The following NLGN1 variants were observed in gnomAD, a reference collection of about 807,000 sequenced individuals.
The protein encoded by NLGN1 is neuroligin 1, also known as neuroligin-1.
In NLGN1, 12 loss-of-function variants were observed where a neutral mutation model predicts 65.5. The ratio of observed to expected loss-of-function variants is 0.18; its 90% CI spans 0.12 to 0.30. NLGN1 has a LOEUF of 0.30. NLGN1 is among the 10% of genes least tolerant of loss of function. NLGN1 has a pLI of 1.00. For missense variants in NLGN1, 750 were observed against 1,007.1 expected, an observed-to-expected ratio of 0.74 and a Z score of 3.46; for synonymous variants, 350 against 359.5, an observed-to-expected ratio of 0.97 and a Z score of 0.30.
chr3:173,553,085 T>G (rs1293511793), intron 2 of NLGN1, among the ~76,000 whole-genome samples: 1 of 152,150 alleles, frequency 6.6e-6, no homozygotes, highest in East Asian at 1.9e-4. Context: ...GTGCGTTAGA[T>G]CACAAAGCTA....
intron 4 of NLGN1, among the ~76,000 whole-genome samples, chr3:173,852,535 T>C (rs551638415): frequency 3.9e-5 from 6 of 152,234 alleles, no homozygotes; most frequent in African/African-American, 1.4e-4. Flanking sequence ...GAACTAATCT[T>C]GTATTTCAGA....
At chr3:173,704,994 T>C (rs1346466816) in intron 3 of NLGN1, among the ~76,000 whole-genome samples, 1 of 152,192 alleles carries the variant, frequency 6.6e-6, no homozygotes, top group Non-Finnish European at 1.5e-5. Context: ...TTTTCTTTAG[T>C]GGAAAATTAC....
chr3:174,054,001 G>A (rs1735495348), intron 4 of NLGN1, among the ~76,000 whole-genome samples: 1 of 151,848 alleles, frequency 6.6e-6, no homozygotes, highest in Non-Finnish European at 1.5e-5. Context: ...ATCTGAGCAA[G>A]TTCCTAAAAC....
intron 4 of NLGN1, among the ~76,000 whole-genome samples, chr3:174,016,261 A>C (rs1726530640): frequency 6.6e-6 from 1 of 152,172 alleles, no homozygotes; most frequent in Non-Finnish European, 1.5e-5. Context: ...CATCAGAGAA[A>C]CTTTTGGGTT....
intron 4 of NLGN1, among the ~76,000 whole-genome samples, chr3:173,895,269 A>G (rs1736141152): frequency 6.6e-6 from 1 of 152,038 alleles, no homozygotes; most frequent in Non-Finnish European, 1.5e-5. Flanking sequence ...CACATCTGTA[A>G]AGTCCCTTTT....
At chr3:174,241,479 T>C (rs1742797312) in intron 4 of NLGN1, among the ~76,000 whole-genome samples, 1 of 151,932 alleles carries the variant, frequency 6.6e-6, no homozygotes, top group African/African-American at 2.4e-5. Context: ...CTAGCCATCA[T>C]TTAGACCTGC....
intron 4 of NLGN1, among the ~76,000 whole-genome samples, chr3:173,978,407 C>T (rs1453315513): frequency 5.9e-5 from 9 of 151,828 alleles, no homozygotes; most frequent in South Asian, 2.1e-4. Flanking sequence ...GCAAGATATG[C>T]GAAGATCCAA....
At chr3:174,030,214 C>T (rs750369190) in intron 4 of NLGN1, among the ~76,000 whole-genome samples, 2 of 151,484 alleles carry the variant, frequency 1.3e-5, no homozygotes, top group Non-Finnish European at 2.9e-5. Flanking sequence ...CAACCTCCAC[C>T]TCCGAGGTTC....
At chr3:173,976,063 C>T (rs1282233580) in intron 4 of NLGN1, among the ~76,000 whole-genome samples, 2 of 152,000 alleles carry the variant, frequency 1.3e-5, no homozygotes, top group Non-Finnish European at 2.9e-5. Context: ...GTGATATGCA[C>T]TGTGTACAAT....
At chr3:173,630,353 T>G (rs1755496303) in intron 3 of NLGN1, among the ~76,000 whole-genome samples, 1 of 152,154 alleles carries the variant, frequency 6.6e-6, no homozygotes. Flanking sequence ...TATCTGATTT[T>G]CTTTAATTTG....
At chr3:174,243,275 T>C (rs1451396373) in intron 4 of NLGN1, among the ~76,000 whole-genome samples, 5 of 152,186 alleles carry the variant, frequency 3.3e-5, no homozygotes, top group Admixed American at 3.3e-4. Flanking sequence ...ATTCCTCCTT[T>C]CAAACATGTC....
At chr3:173,411,117 A>C (rs1390162234) in intron 1 of NLGN1, among the ~76,000 whole-genome samples, 1 of 152,236 alleles carries the variant, frequency 6.6e-6, no homozygotes, top group African/African-American at 2.4e-5. Context: ...TGTGCTTTAG[A>C]GAAATATAGC....
intron 2 of NLGN1, among the ~76,000 whole-genome samples, chr3:173,559,160 T>A (rs1263290817): frequency 6.6e-6 from 1 of 152,228 alleles, no homozygotes; most frequent in Non-Finnish European, 1.5e-5. Flanking sequence ...AGTAAAGCCT[T>A]AAAATCAAAG....
chr3:174,164,961 T>C (rs1727232119), intron 4 of NLGN1, among the ~76,000 whole-genome samples: 1 of 152,114 alleles, frequency 6.6e-6, no homozygotes, highest in Non-Finnish European at 1.5e-5. Context: ...TCCATGAGCA[T>C]AGAATGTTTT....
chr3:173,990,669 C>T (rs1414390548), intron 4 of NLGN1, among the ~76,000 whole-genome samples: 1 of 152,064 alleles, frequency 6.6e-6, no homozygotes, highest in African/African-American at 2.4e-5. Flanking sequence ...GTGCCTTCTT[C>T]AGATAATGTC....
Position 174,279,317 on chromosome 3 carries a change from T to C in NLGN1, c.1316T>C (p.Met439Thr), listed in dbSNP as rs1054729486. Residue 439 changes from methionine (M) to threonine (T), a missense_variant, in exon 6 of 7, where the codon ATG (methionine) becomes ACG (threonine). Physicochemically the swap from Met to Thr is moderately conservative, Grantham distance 81 (BLOSUM62 -1). Transcript: ENST00000457714. The surrounding 1 kb of genome is among the most constrained non-coding windows in gnomAD (Gnocchi z 4.7). ...GTTTTGAGAGAAACCATTAAGTTCA[T>C]GTATACTGACTGGGCTGACCGTCAT... 4 of 1,613,332 alleles carry C rather than the reference T, an allele frequency of 2.5e-6. No homozygotes were observed. In the African/African-American group the frequency reaches 5.3e-5, roughly 22 times the overall value.
chr3:173,898,158 A>G (rs1019790066), intron 4 of NLGN1, among the ~76,000 whole-genome samples: 2 of 152,184 alleles, frequency 1.3e-5, no homozygotes, highest in African/African-American at 4.8e-5. Context: ...TAGTGTTAAG[A>G]CCTTGAATTG....
chr3:173,750,860 T>C (rs762095400), intron 3 of NLGN1, among the ~76,000 whole-genome samples: 2 of 152,076 alleles, frequency 1.3e-5, no homozygotes, highest in Non-Finnish European at 2.9e-5. Context: ...GCCGAAAAAG[T>C]TCTTTGTAAT....
chr3:173,723,834 A>T (rs1347871106), intron 3 of NLGN1, among the ~76,000 whole-genome samples: 1 of 152,144 alleles, frequency 6.6e-6, no homozygotes, highest in African/African-American at 2.4e-5. Context: ...TGCCCAGGAG[A>T]TTTATTTGAT....
Sources: allele counts gnomAD v4.1 joint callset (sites outside exome capture counted in the v4.1 genomes callset), GRCh38; gene constraint gnomAD v4.1.1; non-coding constraint Gnocchi (gnomAD v3.1); transcripts MANE v1.5; gene names NCBI Gene and HGNC (gene_info 2026-07-23, HGNC 2026-07-21).